The following CDC42BPB variants were observed in gnomAD, a reference collection of about 807,000 sequenced individuals.
CDC42BPB encodes serine/threonine-protein kinase MRCK beta.
CDC42BPB carries 37 observed loss-of-function variants against 214.9 expected under a neutral mutation model. The observed-to-expected ratio is 0.17, with a 90% CI of 0.13 to 0.23. The LOEUF (loss-of-function observed/expected upper bound fraction) is 0.23. Among genes scored for constraint, CDC42BPB ranks in the 10% least tolerant of loss-of-function variants. CDC42BPB has a pLI of 1.00. For missense variants in CDC42BPB, 1,694 were observed against 2,227.0 expected, an observed-to-expected ratio of 0.76 and a Z score of 4.82; for synonymous variants, 931 against 884.0, an observed-to-expected ratio of 1.05 and a Z score of -0.94.
chr14:102,972,905 A>G (rs1183880311), intron 12 of CDC42BPB, among the ~76,000 whole-genome samples: 2 of 152,140 alleles, frequency 1.3e-5, no homozygotes, highest in African/African-American at 4.8e-5. Context: ...CATATGACAC[A>G]AAGTGCTGAA....
At chr14:102,999,904 T>C (rs936859284) in intron 4 of CDC42BPB, 191 bp from the exon 5 acceptor site, 2 of 985,336 alleles carry the variant, frequency 2.0e-6, no homozygotes, top group Admixed American at 1.2e-4. Context: ...GCCGCCATCT[T>C]CAGGGGTGCA....
intron 23 of CDC42BPB, among the ~76,000 whole-genome samples, chr14:102,953,261 A>G (rs1462188411): frequency 6.6e-6 from 1 of 152,236 alleles, no homozygotes; most frequent in Non-Finnish European, 1.5e-5. Context: ...GGAGTGACCG[A>G]CACAAACTCC....
At chr14:103,026,480 C>T (rs756080751) in intron 1 of CDC42BPB, among the ~76,000 whole-genome samples, 13 of 152,260 alleles carry the variant, frequency 8.5e-5, no homozygotes, top group Non-Finnish European at 1.2e-4. Context: ...ACATGAAAAA[C>T]AGGTAAGTTA....
At chr14:103,018,074 C>A (rs771682637) in intron 1 of CDC42BPB, among the ~76,000 whole-genome samples, 3 of 152,198 alleles carry the variant, frequency 2.0e-5, no homozygotes, top group Non-Finnish European at 4.4e-5. Context: ...GATCATCAGG[C>A]ACTGGACTCT....
intron 36 of CDC42BPB, among the ~76,000 whole-genome samples, chr14:102,936,554 A>G (rs772543777): frequency 6.9e-6 from 1 of 144,598 alleles, no homozygotes; most frequent in Non-Finnish European, 1.5e-5. Flanking sequence ...ATGTCCAGAC[A>G]GGGAAATCAC....
At chr14:102,954,298 G>A in intron 22 of CDC42BPB, 23 bp from the exon 23 acceptor site, 14 of 1,501,174 alleles carry the variant, frequency 9.3e-6, no homozygotes, top group Non-Finnish European at 1.2e-5. Context: ...CAGGACAGGT[G>A]AGTGTCGGCC....
rs763342575 is a variant in CDC42BPB at position 102,972,017 on chromosome 14, G to A, written c.1786C>T (p.Arg596Trp). The stretch of plus-strand genomic sequence containing the variant: ...TCCTCCTCCTTGTCTCGCAGCTGCC[G>A]GGACACCTTCTGCTTCTGGGCACGG... ...ELRAQKQKVS[R>W]QLRDKEEEME... is the part of the protein sequence containing the mutation. The change falls in exon 13 of 37, where the codon CGG becomes TGG. Residue 596 changes from arginine (R) to tryptophan (W), a missense_variant. Arg to Trp is a moderately radical substitution (Grantham distance 101). Coordinates refer to ENST00000361246, the MANE Select transcript of CDC42BPB (RefSeq NM_006035.4). 6.2e-7 allele frequency: 1 copy of A among 1,614,158 alleles called. No homozygotes were observed. Among genetic ancestry groups the A allele is most frequent in the Non-Finnish European group, 8.5e-7 (1 of 1,180,032 alleles).
rs141719532 is a variant in CDC42BPB at position 103,051,984 on chromosome 14, T to A, written c.175+5015A>T. ...CCTCAGCCTCCCAAGTAGGTGGGAC[T>A]ATGCGTGCCACCACACCCGGCTAAT... On this transcript the variant is annotated intron_variant, in intron 1 of 36. Coordinates refer to ENST00000361246, the MANE Select transcript of CDC42BPB (RefSeq NM_006035.4). Among the ~76,000 whole-genome samples the A allele has an allele frequency of 6.6e-5, 10 of 152,266 alleles. No individual in the cohort carries two copies. The East Asian group carries it at 1.9e-3, about 29-fold the overall frequency.
intron 2 of CDC42BPB, among the ~76,000 whole-genome samples, chr14:103,011,494 A>C (rs1430938645): frequency 6.6e-6 from 1 of 152,188 alleles, no homozygotes; most frequent in African/African-American, 2.4e-5. Flanking sequence ...GCACTTTGGG[A>C]GGCTGGGCGG....
At chr14:103,010,732 G>A (rs1268400584) in intron 2 of CDC42BPB, among the ~76,000 whole-genome samples, 1 of 152,234 alleles carries the variant, frequency 6.6e-6, no homozygotes, top group Non-Finnish European at 1.5e-5. Context: ...GCACTGCACA[G>A]TTTAAGAAGC....
intron 17 of CDC42BPB, 138 bp downstream of exon 17, chr14:102,966,908 G>T (rs1893231817): frequency 2.1e-6 from 2 of 970,412 alleles, no homozygotes; most frequent in Admixed American, 4.7e-5. Flanking sequence ...AAGTTCTGGG[G>T]AACAGCAGTG....
At chr14:102,972,345 A>G (rs1367335022) in intron 12 of CDC42BPB, 184 bp from the exon 13 acceptor site, 1 of 985,244 alleles carries the variant, frequency 1.0e-6, no homozygotes, top group Non-Finnish European at 1.2e-6. Context: ...CACACAGGCA[A>G]TGGGAAGGCC....
intron 1 of CDC42BPB, among the ~76,000 whole-genome samples, chr14:103,054,955 C>T (rs1595204259): frequency 6.6e-6 from 1 of 152,382 alleles, no homozygotes; most frequent in South Asian, 2.1e-4. Flanking sequence ...GCCCCCAGGG[C>T]CCCCGCCCTC....
Position 102,938,319 on chromosome 14 carries a change from C to A in CDC42BPB, c.4920G>T (p.Ser1640=). The A allele has an allele frequency of 6.2e-7, 1 of 1,608,164 alleles. No homozygotes were observed. Among genetic ancestry groups the A allele is most frequent in the South Asian group, 1.1e-5 (1 of 89,952 alleles). ...QPPSRNKPYI[S]WPSSGGSEPS... ...CTTCCCCTGTACCTGATGAGGGCCA[C>A]GAGATGTAGGGCTTGTTCCTGGATG... The change falls in exon 35 of 37, where the codon TCG becomes TCT. Residue 1640 remains serine, a synonymous_variant. Coordinates refer to ENST00000361246, the MANE Select transcript of CDC42BPB (RefSeq NM_006035.4).
intron 11 of CDC42BPB, among the ~76,000 whole-genome samples, chr14:102,975,140 AAC>A (rs1343080674): frequency 6.6e-6 from 1 of 152,240 alleles, no homozygotes; most frequent in Non-Finnish European, 1.5e-5. Context: ...GGAAAACTGT[AAC>A]AGAGAAGCAG....
intron 24 of CDC42BPB, among the ~76,000 whole-genome samples, chr14:102,951,661 G>A (rs779032587): frequency 5.3e-5 from 8 of 151,616 alleles, no homozygotes; most frequent in Non-Finnish European, 1.0e-4. Context: ...TGGTGGCGTG[G>A]GCCTGTCCCC....
Position 102,976,076 on chromosome 14 carries a change from T to C in CDC42BPB, c.1221-27A>G, listed in dbSNP as rs201426784. On this transcript the variant is annotated intron_variant, in intron 9 of 36. Transcript: ENST00000361246. ...TGGGAAACCAAGCAACAGGTTTTTT[T>C]GATCTACTGAAAATTTAGCGATTTC... is the stretch of plus-strand genomic sequence containing the variant. The C allele has an allele frequency of 1.4e-5, 22 of 1,603,100 alleles. No homozygotes were observed. The Admixed American group carries it at 1.9e-4, about 14-fold the overall frequency.
At chr14:102,986,434 G>T in intron 6 of CDC42BPB, 53 bp downstream of exon 6, 2 of 1,277,376 alleles carry the variant, frequency 1.6e-6, no homozygotes, top group South Asian at 1.3e-5. Flanking sequence ...CTTCCCTTCT[G>T]ACTATATGCC....
Position 102,987,054 on chromosome 14 carries a change from C to T in CDC42BPB, c.597-474G>A, listed in dbSNP as rs1375325179. On this transcript the variant is annotated intron_variant, in intron 5 of 36. Coordinates refer to ENST00000361246, the MANE Select transcript of CDC42BPB (RefSeq NM_006035.4). ...AATGGGACAAAGGGACAGAGGGACA[C>T]GTGTGGAGGAAGCTGGCTGGGGGCT... 3.3e-5 allele frequency among the ~76,000 whole-genome samples: 5 copies of T among 152,334 alleles called. 1 individual carries two copies. The highest frequency in any genetic ancestry group is 3.4e-3 in the Middle Eastern group (1 of 294).
Sources: gnomAD v4.1 joint callset for allele counts (sites outside exome capture counted in the v4.1 genomes callset) on GRCh38, gnomAD v4.1.1 for gene constraint, MANE v1.5 for transcripts, NCBI Gene and HGNC (gene_info 2026-07-23, HGNC 2026-07-21) for gene names.